Variants in FGF4 observed in about 807,000 individuals in gnomAD.
FGF4 encodes the protein fibroblast growth factor 4.
A neutral mutation model predicts 15.7 loss-of-function variants in FGF4; 9 were observed. The observed-to-expected ratio is 0.57, with a 90% CI of 0.35 to 1.00. FGF4 has a LOEUF of 1.00. Ranked by LOEUF, FGF4 falls within the 50% of genes least tolerant of loss-of-function variation. The pLI, the probability that FGF4 is intolerant of heterozygous loss-of-function variation, is 0.02. For synonymous variants in FGF4, 164 were observed against 144.8 expected (o/e 1.13, Z -0.95); for missense variants, 286 against 297.3 (o/e 0.96, Z 0.28).
chr11:69,773,566 C>T, intron 2 of FGF4, 81 bp from the exon 3 acceptor site: 1 of 1,334,986 alleles, frequency 7.5e-7, no homozygotes, highest in East Asian at 2.3e-5. Context: ...TCAGAACCCC[C>T]TTCTGTCCCA....
rs979866825 is a variant in FGF4, at chr11:69,774,080, C to T, written c.388G>A (p.Gly130Ser). 6.2e-7 allele frequency: 1 copy of T among 1,612,990 alleles called. No individual in the cohort carries two copies. The highest frequency in any genetic ancestry group is 8.5e-7 in the Non-Finnish European group (1 of 1,179,950). The change falls in exon 2 of 3, where the codon GGC (glycine) becomes AGC (serine). Residue 130 changes from glycine to serine, a missense_variant. By Grantham distance (56) the Gly-to-Ser change is moderately conservative. Coordinates refer to ENST00000168712, the MANE Select transcript of FGF4 (RefSeq NM_002007.4). ...GCCACGAAGAACCGGCTGGCCACGC[C>T]GAAGATGCTCACCACGCCCCGCTCC... ...PVERGVVSIF[G>S]VASRFFVAMS...
Position 69,771,287 on chromosome 11 carries a change from T to C in FGF4, c.*2022A>G, listed in dbSNP as rs980532255. On this transcript the variant is annotated 3_prime_UTR_variant, in exon 3 of 3. Transcript: ENST00000168712. ...GTTGTGTTCCTACAGGCATCACACATGATTTGTTGAAGAAATATCTATAAG... is the reference window on the plus strand; with the variant it reads ...GTTGTGTTCCTACAGGCATCACACACGATTTGTTGAAGAAATATCTATAAG... 9 of 152,240 alleles carry C rather than the reference T, an allele frequency of 5.9e-5. No individual in the cohort carries two copies. Among genetic ancestry groups the C allele is most frequent in the Non-Finnish European group, 1.0e-4 (7 of 68,044 alleles). The allele number at this position is 152,240 out of a possible 1,614,324, so 9.4% of individuals were successfully genotyped here.
At chr11:69,773,880 T>A in intron 2 of FGF4, 144 bp downstream of exon 2, 1 of 645,244 alleles carries the variant, frequency 1.5e-6, no homozygotes, top group Non-Finnish European at 2.7e-6. Flanking sequence ...TTCCTTTGTC[T>A]GGGGAGGCCT....
At chr11:69,774,703 GC>G (rs1209206022) in intron 1 of FGF4, 41 bp downstream of exon 1, 3 of 1,352,276 alleles carry the variant, frequency 2.2e-6, no homozygotes, top group Admixed American at 4.0e-5. Flanking sequence ...GGCGGCCGTT[GC>G]CCCCCGCCCC....
rs1457030913 is a variant in FGF4, at chr11:69,772,488, A to T, written c.*821T>A. 2 of 152,256 alleles carry T rather than the reference A, an allele frequency of 1.3e-5. No homozygotes were observed. The highest frequency in any genetic ancestry group is 1.9e-4 in the East Asian group (1 of 5,196). 9.4% of individuals were successfully genotyped at this position (152,256 alleles called of 1,614,324 possible). A position where few individuals can be genotyped will look rare whatever the true frequency, so the allele number is the denominator to read the frequency against. On this transcript the variant is annotated 3_prime_UTR_variant, in exon 3 of 3. Transcript: ENST00000168712. ...CACACCATCAGAAGCATCTGCCATC[A>T]CAAATTATTTTTCATCACTAGGGTT...
At chr11:69,774,497 G>T (rs997743285) in intron 1 of FGF4, among the ~76,000 whole-genome samples, 1 of 152,218 alleles carries the variant, frequency 6.6e-6, no homozygotes, top group Admixed American at 6.5e-5. Flanking sequence ...GCTGGAATTC[G>T]GCGCTCGGAG....
chr11:69,774,757 C>A lies in FGF4; in HGVS notation c.328G>T (p.Asp110Tyr). The change falls in exon 1 of 3, where the codon GAC becomes TAC. Residue 110 changes from aspartate to tyrosine, a missense_variant. Coordinates refer to ENST00000168712, the MANE Select transcript of FGF4 (RefSeq NM_002007.4). ...PDGRIGGAHA[D>Y]TRDSLLELSP... ...CCGCGCCACTCACTGTCGCGGGTGT[C>A]CGCGTGCGCGCCGCCGATGCGGCCG... 1 of 1,497,814 alleles carries A rather than the reference C, an allele frequency of 6.7e-7. No individual in the cohort carries two copies. The highest frequency in any genetic ancestry group is 8.8e-7 in the Non-Finnish European group (1 of 1,133,160). 92.8% of individuals were successfully genotyped at this position (1,497,814 alleles called of 1,614,324 possible).
rs1855573260 is a variant in FGF4 at position 69,771,901 on chromosome 11, G to A, written c.*1408C>T. On this transcript the variant is annotated 3_prime_UTR_variant, in exon 3 of 3. Coordinates refer to ENST00000168712, the MANE Select transcript of FGF4 (RefSeq NM_002007.4). ...AAAAAGTCATTCATTAAAATTAAAT[G>A]TTTGCCATCACCTCGGAACTTTTTT... The A allele has an allele frequency of 6.6e-6, 1 of 152,106 alleles. No individual in the cohort carries two copies. Among genetic ancestry groups the A allele is most frequent in the South Asian group, 2.1e-4 (1 of 4,822 alleles). 9.4% of individuals were successfully genotyped at this position (152,106 alleles called of 1,614,324 possible). A position where few individuals can be genotyped will look rare whatever the true frequency, so the allele number is the denominator to read the frequency against.
At chr11:69,773,620 G>T in intron 2 of FGF4, 135 bp from the exon 3 acceptor site, 1 of 822,774 alleles carries the variant, frequency 1.2e-6, no homozygotes, top group Non-Finnish European at 2.0e-6. Flanking sequence ...CAGTTAAGGT[G>T]TCAAGACCCA....
intron 1 of FGF4, 31 bp downstream of exon 1, chr11:69,774,714 C>G: frequency 7.1e-7 from 1 of 1,398,790 alleles, no homozygotes; most frequent in Non-Finnish European, 9.2e-7. Context: ...CCCCCCGCCC[C>G]CGCCCCTTCG....
chr11:69,774,524 C>A (rs1189142419), intron 1 of FGF4, among the ~76,000 whole-genome samples: 1 of 152,184 alleles, frequency 6.6e-6, no homozygotes, highest in Non-Finnish European at 1.5e-5. Context: ...TTTCTGAAGG[C>A]GGGAGGCGGC....
At position 69,773,393 on chromosome 11, in the gene FGF4, G is replaced by A. The variant is rs140780726; in HGVS notation, c.537C>T (p.Ile179=). ...TGGTCTTCCCATTCTTGCTCAGGGC[G>A]ATGAACATGCCGGGGTACTTGTAGG... The part of the protein sequence containing the change: ...YESYKYPGMF[I]ALSKNGKTKK... The change falls in exon 3 of 3, where the codon ATC becomes ATT. Residue 179 remains isoleucine, a synonymous_variant. Transcript: ENST00000168712. 10 of 1,614,168 alleles carry A rather than the reference G, an allele frequency of 6.2e-6. No homozygotes were observed. The East Asian group carries it at 8.9e-5, about 14-fold the overall frequency.
At chr11:69,774,374 G>C (rs2070678) in intron 1 of FGF4, among the ~76,000 whole-genome samples, 1 of 151,712 alleles carries the variant, frequency 6.6e-6, no homozygotes, top group Non-Finnish European at 1.5e-5. Context: ...ACCCAGTCCC[G>C]GACCTTCAGA....
At chr11:69,774,162 G>A in intron 1 of FGF4, 35 bp from the exon 2 acceptor site, 1 of 1,525,194 alleles carries the variant, frequency 6.6e-7, no homozygotes, top group Non-Finnish European at 9.0e-7. Context: ...CGGGGCAGGT[G>A]ATCCCTGGCC....
rs149628456 is a variant in FGF4 at position 69,774,144 on chromosome 11, G to T, written c.341-17C>A. 1 of 1,594,802 alleles carries T rather than the reference G, an allele frequency of 6.3e-7. No homozygotes were observed. Among genetic ancestry groups the T allele is most frequent in the Non-Finnish European group, 8.6e-7 (1 of 1,166,942 alleles). The stretch of plus-strand genomic sequence containing the variant: ...CCAGCAGGCCTGGGGGCGGGGCGCA[G>T]GTCATTGCGGGGCAGGTGATCCCTG... On this transcript the variant is annotated splice_polypyrimidine_tract_variant and intron_variant, in intron 1 of 2. Transcript: ENST00000168712.
rs1317031567 is a variant in FGF4 at position 69,775,216 on chromosome 11, G to C, written c.-132C>G. On this transcript the variant is annotated 5_prime_UTR_variant, in exon 1 of 3. Coordinates refer to ENST00000168712, the MANE Select transcript of FGF4 (RefSeq NM_002007.4). Reference sequence around the variant, plus strand: ...AGGAGTGCGCAACCGAGGAGGTGCGGGAGGCAAGCGACGGGGCCCCCGGGC... The same window carrying C: ...AGGAGTGCGCAACCGAGGAGGTGCGCGAGGCAAGCGACGGGGCCCCCGGGC... 8.6e-6 allele frequency: 5 copies of C among 584,184 alleles called. No individual in the cohort carries two copies. The East Asian group carries it at 1.1e-4, about 12-fold the overall frequency. The allele number at this position is 584,184 out of a possible 1,614,324, so 36.2% of individuals were successfully genotyped here.
chr11:69,772,093 G>A lies in FGF4; in HGVS notation c.*1216C>T, dbSNP rs1165586851. 1 of 152,116 alleles carries A rather than the reference G, an allele frequency of 6.6e-6. No homozygotes were observed. Among genetic ancestry groups the A allele is most frequent in the Non-Finnish European group, 1.5e-5 (1 of 68,034 alleles). The allele number at this position is 152,116 out of a possible 1,614,324, so 9.4% of individuals were successfully genotyped here. ...CACCCTTACTAAAAGTAAATCACAG[G>A]GTAAAGATAGCTCAAACGTGACAAG... is the stretch of plus-strand genomic sequence containing the variant. On this transcript the variant is annotated 3_prime_UTR_variant, in exon 3 of 3. Transcript: ENST00000168712.
intron 2 of FGF4, 110 bp downstream of exon 2, chr11:69,773,914 C>T: frequency 2.3e-6 from 2 of 864,658 alleles, no homozygotes; most frequent in East Asian, 5.3e-5. Flanking sequence ...CCTGGTGACC[C>T]TGCCACCCCT....
chr11:69,773,336 C>G lies in FGF4; in HGVS notation c.594G>C (p.Lys198Asn). The G allele has an allele frequency of 6.2e-7, 1 of 1,614,192 alleles. No individual in the cohort carries two copies. The highest frequency in any genetic ancestry group is 1.3e-5 in the African/African-American group (1 of 75,052). The change falls in exon 3 of 3, where the codon AAG (lysine) becomes AAC (asparagine). Residue 198 changes from lysine to asparagine, a missense_variant. Physicochemically the swap from Lys to Asn is moderately conservative, Grantham distance 94. Coordinates refer to ENST00000168712, the MANE Select transcript of FGF4 (RefSeq NM_002007.4). The stretch of plus-strand genomic sequence containing the variant: ...ACAGCCTGGGGAGGAAGTGGGTGAC[C>G]TTCATGGTGGGCGACACTCGGTTCC... ...KKGNRVSPTM[K>N]VTHFLPRL
Sources: gnomAD v4.1 joint callset for allele counts (sites outside exome capture counted in the v4.1 genomes callset) on GRCh38, gnomAD v4.1.1 for gene constraint, MANE v1.5 for transcripts, NCBI Gene and HGNC (gene_info 2026-07-23, HGNC 2026-07-21) for gene names.